The following GPC3 variants were observed in gnomAD, a reference collection of about 807,000 sequenced individuals.
GPC3 encodes glypican-3.
GPC3 carries 3 observed loss-of-function variants against 34.4 expected under a neutral mutation model. The ratio of observed to expected loss-of-function variants is 0.09; its 90% confidence interval spans 0.04 to 0.23. GPC3 has a LOEUF of 0.23. Among genes scored for constraint, GPC3 ranks in the 10% least tolerant of loss-of-function variants. The pLI is 1.00. For synonymous variants in GPC3, 177 were observed against 174.0 expected (o/e 1.02, Z -0.13); for missense variants, 351 against 445.6 (o/e 0.79, Z 1.91).
rs187185415 is a variant in GPC3 at position 133,740,462 on chromosome X, T to C, written c.1032+13020A>G. On this transcript the variant is annotated intron_variant, in intron 3 of 7. Transcript: ENST00000370818. ...AACCAGAGTAAGGACATTAGTTTAG[T>C]TCCCTGCTTTTTTGTCTAGAACTTG... Among the ~76,000 whole-genome samples the C allele has an allele frequency of 1.3e-3, 151 of 112,622 alleles. 1 individual carries two copies. The highest frequency in any genetic ancestry group is 7.8e-3 in the Admixed American group (83 of 10,655).
rs753637689 is a variant in GPC3, at chrX:133,945,982, T to C, written c.337+7068A>G. ...CTCCCCTTGGAAAACTGCAAAGGTT[T>C]TTTCTTACATTTTTCTTAGGATGCC... On this transcript the variant is annotated intron_variant, in intron 2 of 7. Transcript: ENST00000370818. Among the ~76,000 whole-genome samples, 87 of 111,419 alleles carry C rather than the reference T, an allele frequency of 7.8e-4. 1 individual carries two copies. The highest frequency in any genetic ancestry group is 2.8e-3 in the African/African-American group (85 of 30,668).
At chrX:133,720,333 C>T (rs148455608) in intron 3 of GPC3, among the ~76,000 whole-genome samples, 115 of 112,282 alleles carry the variant, frequency 1.0e-3, no homozygotes, top group African/African-American at 3.6e-3. Flanking sequence ...TGAATTCCCA[C>T]ATGTTGTGGG....
chrX:133,566,800 A>T (rs1331741018), intron 7 of GPC3, among the ~76,000 whole-genome samples: 3 of 111,641 alleles, frequency 2.7e-5, no homozygotes, highest in South Asian at 3.8e-4. Flanking sequence ...GAGCCCAAGG[A>T]GACTAATACT....
At chrX:133,735,369 T>C (rs527712291) in intron 3 of GPC3, among the ~76,000 whole-genome samples, 1 of 111,728 alleles carries the variant, frequency 9.0e-6, no homozygotes, top group East Asian at 2.8e-4. Flanking sequence ...AAGAACAGTC[T>C]TTTCAACAAA....
intron 7 of GPC3, among the ~76,000 whole-genome samples, chrX:133,546,241 A>G (rs1055325580): frequency 1.8e-5 from 2 of 110,947 alleles, no homozygotes; most frequent in African/African-American, 6.6e-5. Context: ...GTTCTGAGAC[A>G]TTAAGGTTAT....
chrX:133,625,800 A>G (rs1388803759), intron 6 of GPC3, among the ~76,000 whole-genome samples: 5 of 108,841 alleles, frequency 4.6e-5, no homozygotes, highest in African/African-American at 1.6e-4. Context: ...TCTTCACAGA[A>G]TTGGAAAAAA....
chrX:133,966,035 G>A (rs2076461887), intron 1 of GPC3, among the ~76,000 whole-genome samples: 1 of 111,505 alleles, frequency 9.0e-6, no homozygotes, highest in Admixed American at 9.5e-5. Context: ...ATTAATAGAG[G>A]CCGAATACTA....
Position 133,867,727 on chromosome X carries a change from A to ACC in GPC3, c.337+85321_337+85322dup, listed in dbSNP as rs773320128. ...AAAAAGTTGCCTTTTGGCCCAGCAT[A>ACC]CCCCCGTCTTGTACCCATATAAACC... On this transcript the variant is annotated intron_variant, in intron 2 of 7. Transcript: ENST00000370818. Among the ~76,000 whole-genome samples, 17 of 107,127 alleles carry ACC rather than the reference A, an allele frequency of 1.6e-4. No individual in the cohort carries two copies. In the South Asian group the frequency reaches 7.4e-3, roughly 46 times the overall value. 93.0% of individuals were successfully genotyped at this position (107,127 alleles called of 115,157 possible). A position where few individuals can be genotyped will look rare whatever the true frequency, so the allele number is the denominator to read the frequency against.
At chrX:133,663,368 G>A (rs1375558627) in intron 5 of GPC3, among the ~76,000 whole-genome samples, 5 of 111,237 alleles carry the variant, frequency 4.5e-5, no homozygotes, top group Non-Finnish European at 7.6e-5. Context: ...CAGGTGATCC[G>A]TCCACCTCGG....
intron 7 of GPC3, among the ~76,000 whole-genome samples, chrX:133,552,965 A>G (rs1043834058): frequency 8.9e-6 from 1 of 112,016 alleles, no homozygotes; most frequent in Non-Finnish European, 1.9e-5. Context: ...ACGGCTATAA[A>G]GATGTGAAAG....
chrX:133,943,896 G>A (rs2076355759), intron 2 of GPC3, among the ~76,000 whole-genome samples: 1 of 111,583 alleles, frequency 9.0e-6, no homozygotes, highest in Admixed American at 9.5e-5. Flanking sequence ...CTCAATGGGC[G>A]AGCAAAACCC....
chrX:133,948,439 C>G (rs926693790), intron 2 of GPC3, among the ~76,000 whole-genome samples: 4 of 110,573 alleles, frequency 3.6e-5, no homozygotes, highest in Admixed American at 9.7e-5. Context: ...TGCCCTCCCC[C>G]CCATTCAGAG....
chrX:133,959,779 C>T (rs1402116984), intron 1 of GPC3, among the ~76,000 whole-genome samples: 1 of 112,083 alleles, frequency 8.9e-6, no homozygotes, highest in African/African-American at 3.2e-5. Context: ...TAGACTTTCA[C>T]ACAAAATAAT....
chrX:133,555,777 G>A (rs1392615518), intron 7 of GPC3, among the ~76,000 whole-genome samples: 4 of 108,313 alleles, frequency 3.7e-5, no homozygotes, highest in Admixed American at 9.8e-5. Flanking sequence ...GCAGTGAGCC[G>A]AGATTGTGCC....
chrX:133,739,138 G>A (rs757555408), intron 3 of GPC3, among the ~76,000 whole-genome samples: 1 of 111,517 alleles, frequency 9.0e-6, no homozygotes, highest in Admixed American at 9.5e-5. Context: ...ACTATCTGTG[G>A]TTTCAGGCAT....
intron 7 of GPC3, among the ~76,000 whole-genome samples, chrX:133,561,855 T>C (rs2069541072): frequency 8.9e-6 from 1 of 112,361 alleles, no homozygotes; most frequent in Non-Finnish European, 1.9e-5. Context: ...ATCAGTTCTG[T>C]AGTTTTAGTT....
At chrX:133,776,878 C>CTTTTTTTTTTTTT (rs10633635) in intron 2 of GPC3, among the ~76,000 whole-genome samples, 8 of 79,622 alleles carry the variant, frequency 1.0e-4, no homozygotes, top group Non-Finnish European at 1.9e-4. Flanking sequence ...CCTTTCTTTT[C>CTTTTTTTTTTTTT]TTTTTTTTTT....
At chrX:133,539,848 T>C (rs780001961) in intron 7 of GPC3, among the ~76,000 whole-genome samples, 32 of 112,522 alleles carry the variant, frequency 2.8e-4, no homozygotes, top group East Asian at 1.1e-3. Context: ...CTTAGCACAA[T>C]AATGAAGCAT....
At chrX:133,686,155 G>A (rs1009041031) in intron 5 of GPC3, among the ~76,000 whole-genome samples, 18 of 111,804 alleles carry the variant, frequency 1.6e-4, no homozygotes, top group Non-Finnish European at 5.6e-5. Flanking sequence ...GGAGAGGCCA[G>A]CTGACTACAA....
Sources: gnomAD v4.1 joint callset for allele counts (sites outside exome capture counted in the v4.1 genomes callset) on GRCh38, gnomAD v4.1.1 for gene constraint, MANE v1.5 for transcripts, NCBI Gene and HGNC (gene_info 2026-07-23, HGNC 2026-07-21) for gene names.